The following PAGE2B variants were observed in gnomAD, a reference collection of about 807,000 sequenced individuals.
The protein encoded by PAGE2B is PAGE family member 2B.
In PAGE2B, 5 loss-of-function variants were observed where a neutral mutation model predicts 7.6. The ratio of observed to expected loss-of-function variants is 0.66; its 90% CI spans 0.34 to 1.38. PAGE2B has a LOEUF of 1.38. Among genes scored for constraint, PAGE2B ranks in the 40% most tolerant of loss-of-function variants. The pLI is 0.04. For missense variants in PAGE2B, 70 were observed against 78.4 expected (o/e 0.89, Z 0.41); for synonymous variants, 29 against 26.7 (o/e 1.09, Z -0.27).
the PAGE2B span, among the ~76,000 whole-genome samples, chrX:55,043,690 G>A: frequency 6.3e-5 from 7 of 111,154 alleles, no homozygotes; most frequent in African/African-American, 9.8e-5. Flanking sequence ...TAATAGGGCC[G>A]GGCGCAGTGG....
the PAGE2B span, among the ~76,000 whole-genome samples, chrX:55,041,313 C>T: frequency 9.1e-6 from 1 of 109,958 alleles, no homozygotes; most frequent in African/African-American, 3.3e-5. Context: ...GATCTCCTGA[C>T]CTCGTGATCC....
upstream of PAGE2B, among the ~76,000 whole-genome samples, chrX:55,070,907 T>C (rs61329859): frequency 0.03 from 3,299 of 111,360 alleles, 105 homozygotes; most frequent in African/African-American, 0.092. Context: ...TCCATCCCTT[T>C]ATTTTGAGCC....
rs1223638596 is a variant in PAGE2B, at chrX:55,076,992, G to A, written c.193+315G>A. Among the ~76,000 whole-genome samples, 3 of 111,075 alleles carry A rather than the reference G, an allele frequency of 2.7e-5. No homozygotes were observed. In the East Asian group the frequency reaches 8.5e-4, roughly 32 times the overall value. ...AAGAATGGCAGCTTGCAGCTTCCTA[G>A]TCTGCCATCTGTGGACACGTCATGT... On this transcript the variant is annotated intron_variant, in intron 3 of 4. Coordinates refer to ENST00000374971, the MANE Select transcript of PAGE2B (RefSeq NM_001015038.3).
the PAGE2B span, among the ~76,000 whole-genome samples, chrX:55,051,726 G>A: frequency 1.4e-4 from 16 of 111,000 alleles, no homozygotes; most frequent in Non-Finnish European, 2.5e-4. Context: ...TTTTTTCAAA[G>A]TTTTTATCTT....
chrX:55,036,283 G>A, the PAGE2B span, among the ~76,000 whole-genome samples: 57 of 111,021 alleles, frequency 5.1e-4, no homozygotes, highest in South Asian at 7.3e-3. Flanking sequence ...CTAATTGAAT[G>A]CCCTTTATTT....
chrX:55,030,221 G>T, the PAGE2B span, among the ~76,000 whole-genome samples: 1 of 111,787 alleles, frequency 8.9e-6, no homozygotes, highest in Non-Finnish European at 1.9e-5. Context: ...GAGAGTGAAT[G>T]ACTTGCCTAG....
upstream of PAGE2B, among the ~76,000 whole-genome samples, chrX:55,072,751 T>C (rs1383166421): frequency 8.9e-6 from 1 of 112,369 alleles, no homozygotes; most frequent in East Asian, 2.8e-4. Flanking sequence ...TGCCTTTCCT[T>C]CAGAGATGCC....
At chrX:55,050,889 G>C in the PAGE2B span, among the ~76,000 whole-genome samples, 2 of 111,903 alleles carry the variant, frequency 1.8e-5, no homozygotes, top group East Asian at 5.6e-4. Flanking sequence ...AGTTGATGCA[G>C]TTTCTTCTTA....
upstream of PAGE2B, among the ~76,000 whole-genome samples, chrX:55,073,310 G>A: frequency 9.0e-6 from 1 of 111,293 alleles, no homozygotes; most frequent in Middle Eastern, 4.6e-3. Flanking sequence ...GCTGGGGGAT[G>A]GAGATTCCTA....
the PAGE2B span, among the ~76,000 whole-genome samples, chrX:55,047,406 G>C: frequency 2.7e-5 from 3 of 111,762 alleles, no homozygotes; most frequent in East Asian, 2.8e-4. Context: ...ATAGCAGCAT[G>C]ATTTATAATC....
the PAGE2B span, among the ~76,000 whole-genome samples, chrX:55,033,884 AAT>A: frequency 8.9e-6 from 1 of 112,509 alleles, no homozygotes; most frequent in African/African-American, 3.2e-5. Context: ...ACCCATTTTA[AAT>A]GTGTAATTCA....
At chrX:55,054,731 GA>G in the PAGE2B span, among the ~76,000 whole-genome samples, 1 of 112,064 alleles carries the variant, frequency 8.9e-6, no homozygotes, top group East Asian at 2.8e-4. Flanking sequence ...GTCATAGACA[GA>G]AAACCCCATT....
the PAGE2B span, among the ~76,000 whole-genome samples, chrX:55,052,961 T>G: frequency 8.8e-6 from 1 of 112,999 alleles, no homozygotes; most frequent in African/African-American, 3.2e-5. Flanking sequence ...TCTGAGATGT[T>G]TTTTGCTTAT....
the PAGE2B span, among the ~76,000 whole-genome samples, chrX:55,038,646 A>G: frequency 8.9e-6 from 1 of 112,067 alleles, no homozygotes; most frequent in Non-Finnish European, 1.9e-5. Context: ...GGCAGGTATA[A>G]ATAAATAAGA....
the PAGE2B span, among the ~76,000 whole-genome samples, chrX:55,035,296 T>C: frequency 8.9e-6 from 1 of 111,849 alleles, no homozygotes; most frequent in East Asian, 2.8e-4. Flanking sequence ...CAATCCCCTA[T>C]TCAGCAGGCA....
the PAGE2B span, among the ~76,000 whole-genome samples, chrX:55,036,798 G>C: frequency 7.3e-5 from 8 of 109,411 alleles, no homozygotes; most frequent in African/African-American, 2.7e-4. Flanking sequence ...CAAGCAATGG[G>C]GAAAGGATTC....
the PAGE2B span, among the ~76,000 whole-genome samples, chrX:55,037,738 T>A: frequency 9.1e-6 from 1 of 110,013 alleles, no homozygotes; most frequent in African/African-American, 3.3e-5. Flanking sequence ...AAGGATGAGT[T>A]CATTTCTTTG....
At chrX:55,050,577 T>TC in the PAGE2B span, among the ~76,000 whole-genome samples, 1 of 111,052 alleles carries the variant, frequency 9.0e-6, no homozygotes, top group African/African-American at 3.3e-5. Flanking sequence ...CTTCTTTGTC[T>TC]CTTTTGATCT....
chrX:55,042,526 C>T, the PAGE2B span, among the ~76,000 whole-genome samples: 28 of 104,590 alleles, frequency 2.7e-4, no homozygotes, highest in African/African-American at 9.0e-4. Flanking sequence ...TAGTGGCGGG[C>T]GCCTGTAGTC....
Sources: allele counts gnomAD v4.1 joint callset (sites outside exome capture counted in the v4.1 genomes callset), GRCh38; gene constraint gnomAD v4.1.1; transcripts MANE v1.5; gene names NCBI Gene and HGNC (gene_info 2026-07-23, HGNC 2026-07-21).